Variants in TMEM116 observed in about 807,000 individuals in gnomAD.
TMEM116 encodes transmembrane protein 116.
A neutral mutation model predicts 44.3 loss-of-function variants in TMEM116; 38 were observed. The ratio of observed to expected loss-of-function variants is 0.86; its 90% confidence interval spans 0.66 to 1.12. TMEM116 has a LOEUF of 1.12. TMEM116 is among the 50% of genes most tolerant of loss of function. TMEM116 has a pLI of 0.00. For missense variants in TMEM116, 354 were observed against 401.7 expected, an observed-to-expected ratio of 0.88 and a Z score of 1.01; for synonymous variants, 132 against 144.8, an observed-to-expected ratio of 0.91 and a Z score of 0.64.
At chr12:111,993,796 G>T in intron 3 of TMEM116, 1 of 736,932 alleles carries the variant, frequency 1.4e-6, no homozygotes, top group South Asian at 1.4e-5. Context: ...TTACATACCT[G>T]GAGTGTTTTG....
chr12:111,982,844 A>T (rs1295815498), intron 4 of TMEM116, among the ~76,000 whole-genome samples: 1 of 152,152 alleles, frequency 6.6e-6, no homozygotes, highest in Admixed American at 6.6e-5. Context: ...TCCAATACAG[A>T]ACCAATCTGC....
At chr12:111,987,859 G>C (rs980438405) in intron 4 of TMEM116, among the ~76,000 whole-genome samples, 1 of 152,124 alleles carries the variant, frequency 6.6e-6, no homozygotes, top group Non-Finnish European at 1.5e-5. Flanking sequence ...GGGATCAAAC[G>C]TATTTGTACA....
intron 5 of TMEM116, among the ~76,000 whole-genome samples, chr12:111,940,565 G>GTA (rs1182152145): frequency 0.016 from 1,982 of 127,844 alleles, 87 homozygotes; most frequent in African/African-American, 0.053. Context: ...ATATATATGT[G>GTA]TGTATATATA....
chr12:111,992,020 G>T, intron 3 of TMEM116, 131 bp from the exon 4 acceptor site: 1 of 954,004 alleles, frequency 1.0e-6, no homozygotes. Flanking sequence ...GCCATTGGTT[G>T]ATTGTGGGCA....
intron 5 of TMEM116, among the ~76,000 whole-genome samples, chr12:111,940,496 CACAT>C (rs1414312356): frequency 2.5e-5 from 3 of 121,084 alleles, no homozygotes; most frequent in African/African-American, 9.9e-5. Context: ...CACACACACA[CACAT>C]ATATATACAC....
intron 4 of TMEM116, among the ~76,000 whole-genome samples, chr12:111,974,145 G>GA (rs895606683): frequency 6.6e-4 from 92 of 138,718 alleles, no homozygotes; most frequent in Middle Eastern, 7.2e-3. Flanking sequence ...TAAAAACAGA[G>GA]AAAAAAAAAA....
intron 1 of TMEM116, chr12:112,011,624 A>G (rs962988254): frequency 2.6e-5 from 4 of 152,148 alleles, no homozygotes; most frequent in African/African-American, 9.7e-5. Flanking sequence ...ACCTCTTCCA[A>G]CTAGACTATT....
At chr12:111,975,794 A>T (rs867212625) in intron 4 of TMEM116, among the ~76,000 whole-genome samples, 5 of 83,152 alleles carry the variant, frequency 6.0e-5, no homozygotes, top group Admixed American at 1.4e-4. Flanking sequence ...GGGATACTTT[A>T]AAAAAAAAAC....
At chr12:111,942,951 T>C (rs1237158774) in intron 5 of TMEM116, among the ~76,000 whole-genome samples, 1 of 152,182 alleles carries the variant, frequency 6.6e-6, no homozygotes, top group South Asian at 2.1e-4. Flanking sequence ...ATACAGGGAT[T>C]GTTTTTACAC....
intron 4 of TMEM116, among the ~76,000 whole-genome samples, chr12:111,973,756 G>A (rs1321570223): frequency 6.6e-6 from 1 of 151,926 alleles, no homozygotes; most frequent in Admixed American, 6.6e-5. Flanking sequence ...TTTGAGACCA[G>A]CCTGGCCAAC....
In TMEM116 at chr12:111,984,588, G is replaced by A. The variant is rs1411978148; in HGVS notation, c.210+7170C>T. Among the ~76,000 whole-genome samples, 3 of 151,978 alleles carry A rather than the reference G, an allele frequency of 2.0e-5. No individual in the cohort carries two copies. In the East Asian group the frequency reaches 5.8e-4, roughly 29 times the overall value. On this transcript the variant is annotated intron_variant, in intron 4 of 10. Transcript: ENST00000552374. The stretch of plus-strand genomic sequence containing the variant: ...AATAACTTAATTGTACATTTTAAAA[G>A]AACTAAAACAGTATAACTATTGCTT...
In TMEM116 at chr12:111,991,830, C is replaced by T. The variant is rs550254482; in HGVS notation, c.138G>A (p.Thr46=). The T allele has an allele frequency of 1.8e-5, 28 of 1,535,936 alleles. No homozygotes were observed. The East Asian group carries it at 2.9e-4, about 16-fold the overall frequency. The change falls in exon 4 of 11, where the codon ACG becomes ACA. Residue 46 remains threonine (T), a synonymous_variant. Coordinates refer to ENST00000552374, the MANE Select transcript of TMEM116 (RefSeq NM_001193531.2). ...CTGAAGCTCCATAGAGAAGTGTCTC[C>T]GTGAGCCAGCAAAGTCCCAGGAGCA... ...CDLLLGLCWL[T]ETLLYGASVA...
intron 3 of TMEM116, among the ~76,000 whole-genome samples, chr12:111,994,476 T>C (rs2076817143): frequency 6.6e-6 from 1 of 152,188 alleles, no homozygotes; most frequent in African/African-American, 2.4e-5. Context: ...ATGCCGCCAA[T>C]GCACTGGATA....
chr12:111,944,382 T>C (rs2073088046), intron 4 of TMEM116, among the ~76,000 whole-genome samples: 2 of 152,030 alleles, frequency 1.3e-5, no homozygotes, highest in African/African-American at 4.8e-5. Flanking sequence ...ATAGGAGGGC[T>C]GGGCACAGTG....
intron 4 of TMEM116, among the ~76,000 whole-genome samples, chr12:111,962,689 TA>T (rs1430783642): frequency 6.6e-6 from 1 of 152,138 alleles, no homozygotes; most frequent in Non-Finnish European, 1.5e-5. Flanking sequence ...GACTTAAACA[TA>T]AGACTTAAAA....
chr12:111,937,335 A>G (rs1241847208), intron 6 of TMEM116, 92 bp from the exon 7 acceptor site: 2 of 932,318 alleles, frequency 2.1e-6, no homozygotes, highest in Non-Finnish European at 1.7e-6. Flanking sequence ...CCTCAACTCT[A>G]TCATCCCACC....
At chr12:111,945,365 AAAAAG>A (rs1340614727) in intron 4 of TMEM116, among the ~76,000 whole-genome samples, 5 of 150,998 alleles carry the variant, frequency 3.3e-5, no homozygotes, top group South Asian at 2.1e-4. Context: ...AAAAAAAAAA[AAAAAG>A]AAGAAGAAAT....
intron 4 of TMEM116, among the ~76,000 whole-genome samples, chr12:111,982,500 C>T (rs183010348): frequency 9.2e-5 from 14 of 152,184 alleles, no homozygotes; most frequent in Non-Finnish European, 1.8e-4. Flanking sequence ...GGGGTTTTAC[C>T]GTGTTGTCCA....
chr12:111,958,398 AC>A (rs1419782927), intron 4 of TMEM116, among the ~76,000 whole-genome samples: 2 of 152,060 alleles, frequency 1.3e-5, no homozygotes, highest in African/African-American at 4.8e-5. Flanking sequence ...AGAAACCAGC[AC>A]AAAAAGGCTG....
Sources: gnomAD v4.1 joint callset for allele counts (sites outside exome capture counted in the v4.1 genomes callset) on GRCh38, gnomAD v4.1.1 for gene constraint, MANE v1.5 for transcripts, NCBI Gene and HGNC (gene_info 2026-07-23, HGNC 2026-07-21) for gene names.